MAGI2: variants seen among roughly 807,000 people sequenced by gnomAD.
The protein encoded by MAGI2 is membrane associated guanylate kinase, WW and PDZ domain containing 2.
Under a neutral mutation model 133.3 loss-of-function variants are expected in MAGI2, and 35 were observed. The observed-to-expected ratio is 0.26, with a 90% CI of 0.20 to 0.35. The LOEUF is 0.35. MAGI2 is among the 10% of genes least tolerant of loss of function. The pLI, the probability that MAGI2 is intolerant of heterozygous loss-of-function variation, is 1.00. For missense variants in MAGI2, 1,636 were observed against 1,863.4 expected, an observed-to-expected ratio of 0.88 and a Z score of 2.25; for synonymous variants, 729 against 710.6, an observed-to-expected ratio of 1.03 and a Z score of -0.41.
chr7:78,641,478 G>C (rs1444530560), intron 2 of MAGI2, among the ~76,000 whole-genome samples: 2 of 152,158 alleles, frequency 1.3e-5, no homozygotes, highest in African/African-American at 4.8e-5. Context: ...TATTTACAAG[G>C]TGGTGGACAG....
chr7:78,721,863 T>C (rs1219599025), intron 2 of MAGI2, among the ~76,000 whole-genome samples: 1 of 151,836 alleles, frequency 6.6e-6, no homozygotes, highest in African/African-American at 2.4e-5. Flanking sequence ...AAATGTAAGG[T>C]AGAGTGAAGT....
At chr7:78,575,446 A>C (rs941967397) in intron 3 of MAGI2, among the ~76,000 whole-genome samples, 1 of 152,150 alleles carries the variant, frequency 6.6e-6, no homozygotes, top group African/African-American at 2.4e-5. Flanking sequence ...ATCAAGGAGG[A>C]GAAGCATAAA....
intron 6 of MAGI2, among the ~76,000 whole-genome samples, chr7:78,453,371 T>C (rs117488213): frequency 1.2e-3 from 183 of 152,256 alleles, no homozygotes; most frequent in Non-Finnish European, 2.1e-3. Flanking sequence ...ACTGGAACAA[T>C]TCTGTATAAA....
intron 1 of MAGI2, among the ~76,000 whole-genome samples, chr7:79,385,951 T>C (rs1456063779): frequency 6.6e-6 from 1 of 151,994 alleles, no homozygotes; most frequent in Non-Finnish European, 1.5e-5. Context: ...AAACCTTAAA[T>C]ATGCACAATA....
At chr7:78,804,795 C>T (rs1447286119) in intron 2 of MAGI2, among the ~76,000 whole-genome samples, 5 of 146,804 alleles carry the variant, frequency 3.4e-5, no homozygotes, top group Non-Finnish European at 6.0e-5. Flanking sequence ...TGGCTGGGCA[C>T]GGTGGCTCCT....
At chr7:78,756,086 G>A (rs1043510997) in intron 2 of MAGI2, among the ~76,000 whole-genome samples, 11 of 152,096 alleles carry the variant, frequency 7.2e-5, no homozygotes, top group African/African-American at 2.7e-4. Context: ...TACACTCAGT[G>A]TCAGGCACAA....
chr7:78,209,550 C>T (rs576621678), intron 10 of MAGI2, among the ~76,000 whole-genome samples: 12 of 152,082 alleles, frequency 7.9e-5, no homozygotes, highest in South Asian at 2.1e-4. Context: ...TGTGAGTCAC[C>T]GTGCCTGGCC....
chr7:79,009,729 G>T (rs7797398), intron 1 of MAGI2, among the ~76,000 whole-genome samples: 101,414 of 151,928 alleles, frequency 0.67, 34,052 homozygotes, highest in Non-Finnish European at 0.7. Flanking sequence ...CTATGTTCTG[G>T]CCATTGACAC....
Position 79,433,792 on chromosome 7 carries a change from A to C in MAGI2, c.301+19228T>G, listed in dbSNP as rs187226173. Among the ~76,000 whole-genome samples the C allele has an allele frequency of 1.6e-3, 240 of 152,292 alleles. 3 individuals carry two copies. The highest frequency in any genetic ancestry group is 2.9e-4 in the Non-Finnish European group (20 of 68,028). ...AGCATTAAAAAATGCAGAGATTCAC[A>C]CATGAATAAAAAAATAAGAAAGTCA... On this transcript the variant is annotated intron_variant, in intron 1 of 21. Transcript: ENST00000354212.
At position 78,632,671 on chromosome 7, in the gene MAGI2, G is replaced by A. The variant is rs535690309; in HGVS notation, c.419-5432C>T. On this transcript the variant is annotated intron_variant, in intron 2 of 21. Transcript: ENST00000354212. The stretch of plus-strand genomic sequence containing the variant: ...TCATTTTCAAAGGATAAACATGGCA[G>A]TGCATGGTGTGTTCCAATGACTGGT... Among the ~76,000 whole-genome samples the A allele has an allele frequency of 1.7e-3, 255 of 152,346 alleles. 2 individuals carry two copies. The highest frequency in any genetic ancestry group is 0.014 in the South Asian group (70 of 4,828).
At chr7:79,028,271 ATG>A (rs1375519202) in intron 1 of MAGI2, among the ~76,000 whole-genome samples, 16 of 32,122 alleles carry the variant, frequency 5.0e-4, no homozygotes, top group African/African-American at 1.4e-3. Context: ...ATATATATGT[ATG>A]TATGTATATA....
chr7:78,219,458 T>C (rs879124658), intron 10 of MAGI2, among the ~76,000 whole-genome samples: 2 of 152,178 alleles, frequency 1.3e-5, no homozygotes, highest in Non-Finnish European at 2.9e-5. Context: ...TGCACCCACT[T>C]TTCTCTTCTC....
intron 21 of MAGI2, among the ~76,000 whole-genome samples, chr7:78,075,317 G>A (rs116410531): frequency 0.021 from 3,141 of 151,940 alleles, 111 homozygotes; most frequent in African/African-American, 0.072. Context: ...TCCAGACCCC[G>A]CCTGTGTCTT....
At chr7:78,700,639 A>G (rs1406567992) in intron 2 of MAGI2, among the ~76,000 whole-genome samples, 1 of 152,046 alleles carries the variant, frequency 6.6e-6, no homozygotes, top group East Asian at 1.9e-4. Context: ...CCTACCATAT[A>G]TATTGGCAAT....
chr7:78,138,489 A>G (rs1457961101), intron 16 of MAGI2, among the ~76,000 whole-genome samples: 1 of 152,198 alleles, frequency 6.6e-6, no homozygotes, highest in African/African-American at 2.4e-5. Flanking sequence ...AATGAAATTT[A>G]AAAACGTACT....
intron 9 of MAGI2, among the ~76,000 whole-genome samples, chr7:78,331,268 C>T (rs2534648): frequency 2.0e-5 from 3 of 151,862 alleles, no homozygotes; most frequent in African/African-American, 4.8e-5. Flanking sequence ...AAGCTCAATA[C>T]CTGAGTGACA....
At chr7:78,055,410 CT>C (rs1401647304) in intron 21 of MAGI2, among the ~76,000 whole-genome samples, 1 of 152,234 alleles carries the variant, frequency 6.6e-6, no homozygotes, top group Non-Finnish European at 1.5e-5. Flanking sequence ...CAGTGTGCTT[CT>C]GAGTCAGAAT....
At chr7:79,147,407 A>C (rs1822750318) in intron 1 of MAGI2, among the ~76,000 whole-genome samples, 1 of 152,106 alleles carries the variant, frequency 6.6e-6, no homozygotes, top group Non-Finnish European at 1.5e-5. Flanking sequence ...GCCGTAGTGG[A>C]TCCTCCTCTA....
rs1317043285 is a variant in MAGI2 at position 78,231,583 on chromosome 7, T to C, written c.2047+24360A>G. Among the ~76,000 whole-genome samples, 3 of 152,232 alleles carry C rather than the reference T, an allele frequency of 2.0e-5. No individual in the cohort carries two copies. The East Asian group carries it at 5.8e-4, about 29-fold the overall frequency. ...TTCTATGCGTCCCTAAAGGTTTTTT[T>C]AAACTGGACAAATATGGCGACTTCT... On this transcript the variant is annotated intron_variant, in intron 10 of 21. Transcript: ENST00000354212.
Sources: allele counts gnomAD v4.1 joint callset (sites outside exome capture counted in the v4.1 genomes callset), GRCh38; gene constraint gnomAD v4.1.1; transcripts MANE v1.5; gene names NCBI Gene and HGNC (gene_info 2026-07-23, HGNC 2026-07-21).